Variants in ATRNL1 observed in about 807,000 individuals in gnomAD.
ATRNL1 encodes attractin like 1, also known as attractin-like protein 1.
Under a neutral mutation model 182.7 loss-of-function variants are expected in ATRNL1, and 95 were observed. That is an observed-to-expected ratio of 0.52 (90% CI 0.44 to 0.62). The LOEUF (loss-of-function observed/expected upper bound fraction) is 0.62. ATRNL1 is among the 20% of genes least tolerant of loss of function. ATRNL1 has a pLI of 0.00. For synonymous variants in ATRNL1, 576 were observed against 568.3 expected (o/e 1.01, Z -0.19); for missense variants, 1,471 against 1,679.5 (o/e 0.88, Z 2.17).
In ATRNL1 at chr10:115,131,258, A is replaced by G. The variant is rs142634450; in HGVS notation, c.829+1723A>G. On this transcript the variant is annotated intron_variant, in intron 5 of 28. Transcript: ENST00000355044. ...TGTGTGTATGCATATATACACATAT[A>G]TTTATAACTACATATATATTTTATA... Among the ~76,000 whole-genome samples the G allele has an allele frequency of 7.6e-3, 1,150 of 152,194 alleles. 23 individuals carry two copies. Among genetic ancestry groups the G allele is most frequent in the African/African-American group, 0.026 (1,095 of 41,552 alleles).
chr10:115,886,727 C>T (rs1951954190), intron 28 of ATRNL1, among the ~76,000 whole-genome samples: 1 of 152,144 alleles, frequency 6.6e-6, no homozygotes, highest in African/African-American at 2.4e-5. Flanking sequence ...TAATTTAAGT[C>T]AACAGTGAGA....
chr10:115,389,538 G>GTC (rs1270489896), intron 19 of ATRNL1, among the ~76,000 whole-genome samples: 1 of 51,414 alleles, frequency 1.9e-5, no homozygotes, highest in African/African-American at 1.0e-4. Flanking sequence ...AAATGTGTAT[G>GTC]TGTATATATA....
chr10:115,561,690 G>GTGTGGGTGTGTGTGTGTGGGTGT, intron 26 of ATRNL1, among the ~76,000 whole-genome samples: 1 of 50,506 alleles, frequency 2.0e-5, no homozygotes, highest in East Asian at 9.2e-4. Flanking sequence ...TGTGTGTGTG[G>GTGTGGGTGTGTGTGTGTGGGTGT]GTGTGTGTGT....
chr10:115,382,879 C>A (rs1858105347), intron 19 of ATRNL1, among the ~76,000 whole-genome samples: 1 of 151,666 alleles, frequency 6.6e-6, no homozygotes, highest in African/African-American at 2.4e-5. Context: ...TTATCAAGTA[C>A]CCGTATTTGT....
At chr10:115,357,232 G>A (rs1434444473) in intron 19 of ATRNL1, among the ~76,000 whole-genome samples, 1 of 151,776 alleles carries the variant, frequency 6.6e-6, no homozygotes, top group Non-Finnish European at 1.5e-5. Context: ...ATTTAAAGTG[G>A]GGCATAGTTC....
intron 19 of ATRNL1, among the ~76,000 whole-genome samples, chr10:115,367,490 T>C (rs1335874271): frequency 2.0e-5 from 3 of 150,960 alleles, no homozygotes; most frequent in African/African-American, 7.3e-5. Flanking sequence ...CAGAGTAATT[T>C]GATCATCTGA....
intron 21 of ATRNL1, among the ~76,000 whole-genome samples, chr10:115,427,717 T>G (rs899708953): frequency 6.6e-6 from 1 of 152,140 alleles, no homozygotes; most frequent in Non-Finnish European, 1.5e-5. Flanking sequence ...GCACCTTTGC[T>G]GAAAAACACT....
intron 8 of ATRNL1, among the ~76,000 whole-genome samples, chr10:115,196,930 C>T (rs1848384952): frequency 6.6e-6 from 1 of 152,060 alleles, no homozygotes; most frequent in South Asian, 2.1e-4. Flanking sequence ...ATCATTAGTA[C>T]ACTACTGAGT....
chr10:115,944,524 T>G, intron 28 of ATRNL1, 134 bp from the exon 29 acceptor site: 1 of 643,380 alleles, frequency 1.6e-6, no homozygotes, highest in Non-Finnish European at 2.4e-6. Flanking sequence ...GGCAAACTAC[T>G]TGAAAACTTC....
intron 26 of ATRNL1, among the ~76,000 whole-genome samples, chr10:115,696,699 G>A (rs1205821537): frequency 2.0e-5 from 3 of 151,994 alleles, no homozygotes; most frequent in Non-Finnish European, 2.9e-5. Flanking sequence ...TCTAATAATA[G>A]CCTGTATCAG....
chr10:115,265,157 A>T (rs782436268), intron 10 of ATRNL1, 36 bp from the exon 11 acceptor site: 1 of 1,323,288 alleles, frequency 7.6e-7, no homozygotes, highest in Non-Finnish European at 1.1e-6. Context: ...TTATTCTTTT[A>T]TTTCATTTTT....
intron 19 of ATRNL1, among the ~76,000 whole-genome samples, chr10:115,357,477 G>T (rs1554943141): frequency 6.6e-6 from 1 of 151,734 alleles, no homozygotes; most frequent in Non-Finnish European, 1.5e-5. Flanking sequence ...CATGCCTACA[G>T]CAGGTGTAGG....
intron 19 of ATRNL1, among the ~76,000 whole-genome samples, chr10:115,340,460 TCTTTTCTTTTCTTTTC>T (rs1855692860): frequency 7.4e-6 from 1 of 134,256 alleles, no homozygotes; most frequent in African/African-American, 2.8e-5. Flanking sequence ...TCTTTTTTTT[TCTTTTCTTTTCTTTTC>T]TTTTTTTTTT....
At chr10:115,824,108 C>A (rs903792720) in intron 27 of ATRNL1, among the ~76,000 whole-genome samples, 3 of 152,112 alleles carry the variant, frequency 2.0e-5, no homozygotes, top group Non-Finnish European at 2.9e-5. Context: ...GAACAGAGGC[C>A]TCAGAAATAA....
intron 26 of ATRNL1, among the ~76,000 whole-genome samples, chr10:115,661,775 A>ATT (rs71010039): frequency 7.9e-5 from 12 of 151,898 alleles, no homozygotes; most frequent in South Asian, 2.1e-4. Flanking sequence ...TTAAAATTGC[A>ATT]TTTTTTTTAT....
chr10:115,929,525 G>A (rs964817605), intron 28 of ATRNL1, among the ~76,000 whole-genome samples: 7 of 152,090 alleles, frequency 4.6e-5, no homozygotes, highest in Non-Finnish European at 1.0e-4. Flanking sequence ...GACATGCCAG[G>A]TATGAAGGAA....
At chr10:115,440,275 G>T (rs543328440) in intron 21 of ATRNL1, among the ~76,000 whole-genome samples, 1 of 151,836 alleles carries the variant, frequency 6.6e-6, no homozygotes, top group South Asian at 2.1e-4. Context: ...AGATGCCATG[G>T]TTTCTTATAT....
intron 26 of ATRNL1, among the ~76,000 whole-genome samples, chr10:115,712,592 C>T (rs560550481): frequency 6.6e-6 from 1 of 152,078 alleles, no homozygotes; most frequent in Non-Finnish European, 1.5e-5. Context: ...TGTGGCTGGG[C>T]GGAGTGGCTC....
chr10:115,333,757 G>T (rs570180995), intron 18 of ATRNL1, among the ~76,000 whole-genome samples: 83 of 152,150 alleles, frequency 5.5e-4, no homozygotes, highest in African/African-American at 1.9e-3. Flanking sequence ...AAAGTGCTGG[G>T]ATTACAGGTG....
Sources: gnomAD v4.1 joint callset for allele counts (sites outside exome capture counted in the v4.1 genomes callset) on GRCh38, gnomAD v4.1.1 for gene constraint, MANE v1.5 for transcripts, NCBI Gene and HGNC (gene_info 2026-07-23, HGNC 2026-07-21) for gene names.